ADAMTS6: variants seen among roughly 807,000 people sequenced by gnomAD.
The protein encoded by ADAMTS6 is ADAM metallopeptidase with thrombospondin type 1 motif 6.
Under a neutral mutation model 144.3 loss-of-function variants are expected in ADAMTS6, and 23 were observed. The observed-to-expected ratio is 0.16, with a 90% confidence interval of 0.11 to 0.23. The LOEUF (loss-of-function observed/expected upper bound fraction) is 0.23, where lower values mean the gene tolerates loss of function less well. ADAMTS6 is among the 10% of genes least tolerant of loss of function. The pLI, the probability that ADAMTS6 is intolerant of heterozygous loss-of-function variation, is 1.00. For missense variants in ADAMTS6, 999 were observed against 1,379.6 expected, an observed-to-expected ratio of 0.72 and a Z score of 4.37; for synonymous variants, 444 against 457.5, an observed-to-expected ratio of 0.97 and a Z score of 0.38.
intron 22 of ADAMTS6, among the ~76,000 whole-genome samples, chr5:65,181,495 C>T (rs531981941): frequency 5.3e-4 from 80 of 152,264 alleles, no homozygotes; most frequent in African/African-American, 1.8e-3. Flanking sequence ...AAATATTAAA[C>T]ATTATTAAAC....
chr5:65,269,262 T>C (rs959925272), intron 12 of ADAMTS6, among the ~76,000 whole-genome samples: 2 of 152,218 alleles, frequency 1.3e-5, no homozygotes, highest in African/African-American at 4.8e-5. Flanking sequence ...ATTCTATCCT[T>C]ATATTATCTC....
At chr5:65,474,269 C>T (rs1300434181) in intron 1 of ADAMTS6, among the ~76,000 whole-genome samples, 1 of 152,024 alleles carries the variant, frequency 6.6e-6, no homozygotes, top group Non-Finnish European at 1.5e-5. Flanking sequence ...AAAATAAAAT[C>T]GGCTGACTTC....
intron 24 of ADAMTS6, among the ~76,000 whole-genome samples, chr5:65,158,616 CT>C (rs1752567083): frequency 6.6e-6 from 1 of 152,170 alleles, no homozygotes; most frequent in African/African-American, 2.4e-5. Flanking sequence ...GACATATGTA[CT>C]TCAAAAAATT....
chr5:65,295,681 T>C (rs922313416), intron 10 of ADAMTS6, among the ~76,000 whole-genome samples: 3 of 152,044 alleles, frequency 2.0e-5, no homozygotes, highest in African/African-American at 7.2e-5. Context: ...CTAGTTAATA[T>C]CGACAGCAAC....
intron 1 of ADAMTS6, among the ~76,000 whole-genome samples, chr5:65,477,428 C>T (rs1760914961): frequency 6.6e-6 from 1 of 152,108 alleles, no homozygotes; most frequent in African/African-American, 2.4e-5. Flanking sequence ...ATATAGTTGA[C>T]TGGATTTAGG....
At chr5:65,192,724 C>T (rs988785162) in intron 21 of ADAMTS6, among the ~76,000 whole-genome samples, 3 of 151,440 alleles carry the variant, frequency 2.0e-5, no homozygotes, top group African/African-American at 7.3e-5. Flanking sequence ...CACTTTACTA[C>T]CTTGACTACT....
chr5:65,364,622 A>G (rs536646917), intron 7 of ADAMTS6, among the ~76,000 whole-genome samples: 1 of 138,674 alleles, frequency 7.2e-6, no homozygotes, highest in East Asian at 2.1e-4. Flanking sequence ...GCTGGAGTGC[A>G]GTGGCGCAAT....
At chr5:65,394,964 T>C (rs1753216329) in intron 7 of ADAMTS6, among the ~76,000 whole-genome samples, 1 of 152,066 alleles carries the variant, frequency 6.6e-6, no homozygotes, top group African/African-American at 2.4e-5. Context: ...CAGAGCGTCA[T>C]AGAGAAAAAA....
chr5:65,318,143 G>T (rs952182117), intron 9 of ADAMTS6, among the ~76,000 whole-genome samples: 1 of 150,466 alleles, frequency 6.6e-6, no homozygotes, highest in African/African-American at 2.4e-5. Context: ...CAATATAATT[G>T]ATCATCAGAG....
At chr5:65,401,975 T>C (rs921024252) in intron 7 of ADAMTS6, among the ~76,000 whole-genome samples, 2 of 152,140 alleles carry the variant, frequency 1.3e-5, no homozygotes, top group Non-Finnish European at 1.5e-5. Flanking sequence ...TAAATCATCC[T>C]AATACACTGG....
chr5:65,222,871 A>G (rs1166837550), intron 18 of ADAMTS6, among the ~76,000 whole-genome samples: 2 of 152,050 alleles, frequency 1.3e-5, no homozygotes, highest in Admixed American at 1.3e-4. Flanking sequence ...ATTGAATTTC[A>G]TCAAAATTAA....
intron 21 of ADAMTS6, among the ~76,000 whole-genome samples, chr5:65,196,331 G>A (rs1755352002): frequency 6.6e-6 from 1 of 151,756 alleles, no homozygotes; most frequent in South Asian, 2.1e-4. Context: ...GGTGATCCTG[G>A]CTAACACAGT....
At chr5:65,290,431 T>G (rs1742185523) in intron 11 of ADAMTS6, among the ~76,000 whole-genome samples, 1 of 151,980 alleles carries the variant, frequency 6.6e-6, no homozygotes, top group South Asian at 2.1e-4. Flanking sequence ...CACGCCTGTA[T>G]TCCCAGCTAC....
intron 7 of ADAMTS6, among the ~76,000 whole-genome samples, chr5:65,374,929 A>C (rs1274495125): frequency 6.6e-6 from 1 of 152,206 alleles, no homozygotes; most frequent in Non-Finnish European, 1.5e-5. Flanking sequence ...TCAATGGAAC[A>C]GAACAGAGCC....
At chr5:65,407,211 A>T (rs1464644984) in intron 7 of ADAMTS6, among the ~76,000 whole-genome samples, 1 of 152,208 alleles carries the variant, frequency 6.6e-6, no homozygotes, top group Non-Finnish European at 1.5e-5. Context: ...AAATGAAGGA[A>T]AAAATGTTAA....
At chr5:65,242,273 C>G in intron 14 of ADAMTS6, 67 bp from the exon 15 acceptor site, 1 of 1,145,630 alleles carries the variant, frequency 8.7e-7, no homozygotes, top group South Asian at 1.6e-5. Flanking sequence ...GACAATGTCC[C>G]TAAAATGAAC....
intron 7 of ADAMTS6, among the ~76,000 whole-genome samples, chr5:65,337,755 T>A: frequency 6.6e-6 from 1 of 152,152 alleles, no homozygotes; most frequent in East Asian, 1.9e-4. Flanking sequence ...ATATTCACTC[T>A]ACATCCCATC....
At position 65,214,266 on chromosome 5, in the gene ADAMTS6, T is replaced by A. The variant is rs1440440449; in HGVS notation, c.2575+528A>T. ...ACTGTAATGGGGTCAGTATACACCA[T>A]TAACCCAGAACCCAGATACCAGTAA... On this transcript the variant is annotated intron_variant, in intron 20 of 24. Transcript: ENST00000381055. The surrounding 1 kb of genome is among the most constrained non-coding windows in gnomAD (Gnocchi z 4.6). 1 of 276,858 alleles carries A rather than the reference T, an allele frequency of 3.6e-6. No individual in the cohort carries two copies. The highest frequency in any genetic ancestry group is 2.2e-5 in the African/African-American group (1 of 44,796). The allele number at this position is 276,858 out of a possible 1,614,324, so 17.2% of individuals were successfully genotyped here.
intron 9 of ADAMTS6, among the ~76,000 whole-genome samples, 160 bp from the exon 10 acceptor site, chr5:65,300,291 C>T (rs1449046628): frequency 6.6e-6 from 1 of 152,108 alleles, no homozygotes; most frequent in Non-Finnish European, 1.5e-5. Flanking sequence ...ATTAAAGAGA[C>T]TAAGGAATAA....
Sources: allele counts gnomAD v4.1 joint callset (sites outside exome capture counted in the v4.1 genomes callset), GRCh38; gene constraint gnomAD v4.1.1; non-coding constraint Gnocchi (gnomAD v3.1); transcripts MANE v1.5; gene names NCBI Gene and HGNC (gene_info 2026-07-23, HGNC 2026-07-21).